Variants in MIPOL1 observed in about 807,000 individuals in gnomAD.
MIPOL1 encodes mirror-image polydactyly 1.
MIPOL1 carries 57 observed loss-of-function variants against 60.9 expected under a neutral mutation model. The ratio of observed to expected loss-of-function variants is 0.94; its 90% CI spans 0.76 to 1.17. The LOEUF (loss-of-function observed/expected upper bound fraction) is 1.17, where lower values mean the gene tolerates loss of function less well. MIPOL1 is among the 50% of genes most tolerant of loss of function. MIPOL1 has a pLI of 0.00. For synonymous variants in MIPOL1, 179 were observed against 168.8 expected (o/e 1.06, Z -0.47); for missense variants, 551 against 511.6 (o/e 1.08, Z -0.74).
intron 12 of MIPOL1, among the ~76,000 whole-genome samples, chr14:37,526,608 C>A (rs564015511): frequency 6.6e-6 from 1 of 150,726 alleles, no homozygotes; most frequent in East Asian, 2.0e-4. Context: ...GTCTTGATCT[C>A]CTGACCTTGT....
intron 1 of MIPOL1, among the ~76,000 whole-genome samples, chr14:37,224,637 C>T (rs1405520967): frequency 6.6e-6 from 1 of 152,126 alleles, no homozygotes; most frequent in Non-Finnish European, 1.5e-5. Context: ...CCTCCTACAA[C>T]ATGAGGGAAT....
chr14:37,480,742 A>T (rs1472245433), intron 11 of MIPOL1, among the ~76,000 whole-genome samples: 1 of 152,174 alleles, frequency 6.6e-6, no homozygotes, highest in Non-Finnish European at 1.5e-5. Context: ...AAAGTCATTC[A>T]AATAGGAAAG....
At chr14:37,397,276 G>A (rs370183381) in intron 10 of MIPOL1, among the ~76,000 whole-genome samples, 92 of 151,876 alleles carry the variant, frequency 6.1e-4, no homozygotes, top group African/African-American at 2.0e-3. Flanking sequence ...AAGCCTACCC[G>A]GCTCTGGGCT....
chr14:37,293,302 C>G (rs116618678), intron 7 of MIPOL1, among the ~76,000 whole-genome samples: 4,379 of 152,130 alleles, frequency 0.029, 241 homozygotes, highest in African/African-American at 0.099. Flanking sequence ...CCCTGCACCC[C>G]CTCCCTATTT....
At chr14:37,500,625 A>G (rs1339755208) in intron 12 of MIPOL1, among the ~76,000 whole-genome samples, 4 of 152,194 alleles carry the variant, frequency 2.6e-5, no homozygotes, top group Non-Finnish European at 4.4e-5. Flanking sequence ...TTCACAGTGC[A>G]TAATTATATA....
At chr14:37,552,181 T>C (rs1018876663), downstream of MIPOL1, 4 of 152,070 alleles carry the variant, frequency 2.6e-5, no homozygotes, top group Admixed American at 2.0e-4. Context: ...TATAAACTGG[T>C]GTTATCTAAA....
chr14:37,337,735 T>G (rs1270841031), intron 9 of MIPOL1, among the ~76,000 whole-genome samples: 1 of 152,110 alleles, frequency 6.6e-6, no homozygotes, highest in Non-Finnish European at 1.5e-5. Flanking sequence ...GTTATTTTTC[T>G]TTTGCTTATT....
At chr14:37,282,781 A>C (rs1415611993) in intron 6 of MIPOL1, among the ~76,000 whole-genome samples, 1 of 143,854 alleles carries the variant, frequency 7.0e-6, no homozygotes, top group East Asian at 2.1e-4. Flanking sequence ...GAAGGTAGTT[A>C]TGATTTATTT....
intron 10 of MIPOL1, among the ~76,000 whole-genome samples, chr14:37,407,046 C>G (rs55716246): frequency 0.022 from 3,400 of 152,136 alleles, 139 homozygotes; most frequent in African/African-American, 0.077. Flanking sequence ...TAAATTAATG[C>G]ACTAAGAAAT....
intron 11 of MIPOL1, among the ~76,000 whole-genome samples, chr14:37,476,895 CTTTTTTTTTTTT>C (rs869027204): frequency 4.6e-5 from 4 of 87,334 alleles, no homozygotes; most frequent in African/African-American, 5.1e-5. Flanking sequence ...CTTGTAATGT[CTTTTTTTTTTTT>C]TTTTTTTTTT....
At chr14:37,316,654 G>A (rs996625312) in intron 9 of MIPOL1, among the ~76,000 whole-genome samples, 1 of 144,890 alleles carries the variant, frequency 6.9e-6, no homozygotes, top group African/African-American at 2.6e-5. Flanking sequence ...TTGTTGTATT[G>A]ATAAAAATGA....
intron 10 of MIPOL1, among the ~76,000 whole-genome samples, chr14:37,384,206 G>A (rs10136240): frequency 2.0e-5 from 3 of 151,914 alleles, no homozygotes; most frequent in African/African-American, 7.2e-5. Flanking sequence ...ATATAATGTC[G>A]TTCACATTTG....
At chr14:37,285,794 A>G (rs1273913296) in intron 7 of MIPOL1, among the ~76,000 whole-genome samples, 2 of 151,886 alleles carry the variant, frequency 1.3e-5, no homozygotes, top group Non-Finnish European at 2.9e-5. Flanking sequence ...GGGTTTCACC[A>G]CATTAGCCAG....
At chr14:37,376,435 T>G (rs1386608898) in intron 10 of MIPOL1, among the ~76,000 whole-genome samples, 1 of 152,178 alleles carries the variant, frequency 6.6e-6, no homozygotes, top group East Asian at 1.9e-4. Context: ...TCATATTGGC[T>G]TCTATAACTT....
At chr14:37,530,593 A>G (rs1188460415) in intron 12 of MIPOL1, among the ~76,000 whole-genome samples, 1 of 152,180 alleles carries the variant, frequency 6.6e-6, no homozygotes, top group African/African-American at 2.4e-5. Flanking sequence ...AATGATAAAG[A>G]TTATTCATAA....
intron 11 of MIPOL1, among the ~76,000 whole-genome samples, chr14:37,425,411 A>G (rs564081418): frequency 6.6e-6 from 1 of 152,308 alleles, no homozygotes; most frequent in South Asian, 2.1e-4. Context: ...GTAGGATTAT[A>G]TGATCTCTTC....
chr14:37,210,406 C>A (rs956981565), intron 1 of MIPOL1, among the ~76,000 whole-genome samples: 1 of 152,000 alleles, frequency 6.6e-6, no homozygotes, highest in East Asian at 1.9e-4. Context: ...CAGGGAAAGT[C>A]ATTTAGTGGT....
intron 9 of MIPOL1, among the ~76,000 whole-genome samples, chr14:37,319,000 G>A (rs2153444643): frequency 6.6e-6 from 1 of 152,016 alleles, no homozygotes; most frequent in African/African-American, 2.4e-5. Flanking sequence ...TACCATGCTA[G>A]TCTGATTTTT....
chr14:37,227,405 C>T (rs1969926571), intron 1 of MIPOL1, among the ~76,000 whole-genome samples: 1 of 152,018 alleles, frequency 6.6e-6, no homozygotes, highest in Non-Finnish European at 1.5e-5. Context: ...TACTATCTCT[C>T]CTCATATCTG....
Sources: gnomAD v4.1 joint callset for allele counts (sites outside exome capture counted in the v4.1 genomes callset) on GRCh38, gnomAD v4.1.1 for gene constraint, MANE v1.5 for transcripts, NCBI Gene and HGNC (gene_info 2026-07-23, HGNC 2026-07-21) for gene names.